GRIK1: variants seen among roughly 807,000 people sequenced by gnomAD.
GRIK1 encodes the protein glutamate ionotropic receptor kainate type subunit 1.
Under a neutral mutation model 105.7 loss-of-function variants are expected in GRIK1, and 69 were observed. The ratio of observed to expected loss-of-function variants is 0.65; its 90% CI spans 0.54 to 0.80. The LOEUF is 0.80. GRIK1 is among the 30% of genes least tolerant of loss of function. The pLI, the probability that GRIK1 is intolerant of heterozygous loss-of-function variation, is 0.00. For missense variants in GRIK1, 1,109 were observed against 1,167.3 expected (o/e 0.95, Z 0.73); for synonymous variants, 438 against 431.3 (o/e 1.02, Z -0.19).
chr21:29,681,934 T>A (rs2063386779), intron 3 of GRIK1, among the ~76,000 whole-genome samples: 1 of 152,216 alleles, frequency 6.6e-6, no homozygotes, highest in South Asian at 2.1e-4. Flanking sequence ...AATTTGTGTT[T>A]TAGAAAAGCA....
intron 6 of GRIK1, 23 bp downstream of exon 6, chr21:29,651,095 G>T: frequency 1.3e-6 from 2 of 1,561,658 alleles, no homozygotes; most frequent in Non-Finnish European, 1.7e-6. Flanking sequence ...TCTTGCAAAT[G>T]ATTTTATTTG....
At chr21:29,867,880 G>GAGAA (rs1555901562) in intron 1 of GRIK1, among the ~76,000 whole-genome samples, 4 of 15,432 alleles carry the variant, frequency 2.6e-4, no homozygotes, top group Non-Finnish European at 5.5e-4. Flanking sequence ...GAGAGAAAGA[G>GAGAA]AGAGAAAGAG....
intron 1 of GRIK1, among the ~76,000 whole-genome samples, chr21:29,841,709 T>A (rs995164407): frequency 5.9e-5 from 9 of 152,168 alleles, no homozygotes; most frequent in African/African-American, 2.2e-4. Context: ...AATCATGTCA[T>A]CATTGTTGCA....
At chr21:29,916,382 T>A (rs974255641) in intron 1 of GRIK1, among the ~76,000 whole-genome samples, 2 of 151,912 alleles carry the variant, frequency 1.3e-5, no homozygotes, top group Non-Finnish European at 2.9e-5. Flanking sequence ...GAATAACCTG[T>A]TTCTGTAAAA....
intron 1 of GRIK1, among the ~76,000 whole-genome samples, chr21:29,831,359 C>T (rs938005660): frequency 3.3e-5 from 5 of 152,122 alleles, no homozygotes; most frequent in Non-Finnish European, 5.9e-5. Context: ...AGAACTTTTG[C>T]ATACGCTATG....
chr21:29,883,153 T>C (rs2069485570), intron 1 of GRIK1, among the ~76,000 whole-genome samples: 1 of 152,116 alleles, frequency 6.6e-6, no homozygotes, highest in African/African-American at 2.4e-5. Context: ...GGAAGGTAAC[T>C]TAACCCATTT....
intron 3 of GRIK1, among the ~76,000 whole-genome samples, chr21:29,684,291 T>TATCA (rs2063441308): frequency 6.7e-6 from 1 of 149,250 alleles, no homozygotes; most frequent in East Asian, 1.9e-4. Flanking sequence ...TCTATCTATC[T>TATCA]ATCTATCATC....
In GRIK1 at chr21:29,537,274, T is replaced by A; in HGVS notation, c.2806A>T (p.Thr936Ser). ...KGKSSFTSIL[T>S]CHQRRTQRKE... ...CTCTGAGTTCGTCTCTGATGACAAGTAAGGATACTTGTGAAGGAAGATTTC... is the reference window on the plus strand; with the variant it reads ...CTCTGAGTTCGTCTCTGATGACAAGAAAGGATACTTGTGAAGGAAGATTTC... Residue 936 changes from threonine (T) to serine (S), a missense_variant, in exon 18 of 18, where the codon ACT becomes TCT. This residue lies in a region of GRIK1 where 161 missense variants were observed against 143.4 expected (regional missense o/e 1.12). Coordinates refer to ENST00000327783, the MANE Select transcript of GRIK1 (RefSeq NM_001330994.2). 3 of 1,612,312 alleles carry A rather than the reference T, an allele frequency of 1.9e-6. No individual in the cohort carries two copies. Among genetic ancestry groups the A allele is most frequent in the African/African-American group, 2.7e-5 (2 of 74,842 alleles).
At chr21:29,804,301 T>C (rs2066795746) in intron 1 of GRIK1, among the ~76,000 whole-genome samples, 1 of 152,130 alleles carries the variant, frequency 6.6e-6, no homozygotes, top group African/African-American at 2.4e-5. Flanking sequence ...TCTAAAGATT[T>C]GCCACTCTCC....
At chr21:29,881,905 T>C (rs2069424242) in intron 1 of GRIK1, among the ~76,000 whole-genome samples, 1 of 152,140 alleles carries the variant, frequency 6.6e-6, no homozygotes, top group Non-Finnish European at 1.5e-5. Flanking sequence ...CACATTTCCA[T>C]TTTCTCCCAA....
intron 12 of GRIK1, among the ~76,000 whole-genome samples, chr21:29,586,095 G>C (rs1170420048): frequency 6.6e-6 from 1 of 152,172 alleles, no homozygotes; most frequent in South Asian, 2.1e-4. Flanking sequence ...CACTGATTTA[G>C]AGTATTAAAA....
chr21:29,553,139 G>C (rs988847040), intron 16 of GRIK1: 2 of 780,574 alleles, frequency 2.6e-6, no homozygotes, highest in Non-Finnish European at 3.1e-6. Flanking sequence ...CAATATATGA[G>C]ACAGGGAGAA....
In GRIK1 at chr21:29,630,395, C is replaced by T. The variant is rs1056495155; in HGVS notation, c.1098+12431G>A. 2.0e-4 allele frequency: 83 copies of T among 406,830 alleles called. 3 individuals are homozygous for T. Among genetic ancestry groups the T allele is most frequent in the South Asian group, 1.2e-3 (63 of 53,210 alleles). 25.2% of individuals were successfully genotyped at this position (406,830 alleles called of 1,614,324 possible). ...ATGGCAAAGGGAAAGGAATGTTTTGCGATGCAATTAGGTATCTGTAATCAA... is the reference window on the plus strand; with the variant it reads ...ATGGCAAAGGGAAAGGAATGTTTTGTGATGCAATTAGGTATCTGTAATCAA... On this transcript the variant is annotated intron_variant, in intron 7 of 17. Coordinates refer to ENST00000327783, the MANE Select transcript of GRIK1 (RefSeq NM_001330994.2).
chr21:29,893,613 C>T (rs112053272), intron 1 of GRIK1, among the ~76,000 whole-genome samples: 2 of 152,288 alleles, frequency 1.3e-5, no homozygotes, highest in East Asian at 1.9e-4. Flanking sequence ...GATAAATGCT[C>T]ACTATATGTA....
intron 1 of GRIK1, among the ~76,000 whole-genome samples, chr21:29,826,218 A>G (rs2067452515): frequency 6.6e-6 from 1 of 151,920 alleles, no homozygotes; most frequent in South Asian, 2.1e-4. Flanking sequence ...CATGGCCTCT[A>G]CTCAAACACC....
At chr21:29,652,127 T>C (rs1354618407) in intron 5 of GRIK1, among the ~76,000 whole-genome samples, 1 of 152,188 alleles carries the variant, frequency 6.6e-6, no homozygotes, top group Non-Finnish European at 1.5e-5. Context: ...TGGGGTATTT[T>C]GAAGAATATT....
intron 1 of GRIK1, among the ~76,000 whole-genome samples, chr21:29,825,139 T>A (rs529083210): frequency 6.6e-6 from 1 of 152,116 alleles, no homozygotes; most frequent in African/African-American, 2.4e-5. Flanking sequence ...AAATGAGGAA[T>A]CATCAAAGAA....
At chr21:29,905,640 T>G (rs894413558) in intron 1 of GRIK1, among the ~76,000 whole-genome samples, 3 of 139,292 alleles carry the variant, frequency 2.2e-5, no homozygotes, top group African/African-American at 8.2e-5. Context: ...TTTTTTTTTT[T>G]TTTTGAGACG....
intron 1 of GRIK1, among the ~76,000 whole-genome samples, chr21:29,821,549 G>C (rs1272020507): frequency 6.6e-6 from 1 of 151,954 alleles, no homozygotes; most frequent in Non-Finnish European, 1.5e-5. Context: ...ATTTACTGAA[G>C]ACAGGAATCC....
Sources: allele counts gnomAD v4.1 joint callset (sites outside exome capture counted in the v4.1 genomes callset), GRCh38; gene constraint gnomAD v4.1.1; regional missense constraint gnomAD v4.1.1; transcripts MANE v1.5; gene names NCBI Gene and HGNC (gene_info 2026-07-23, HGNC 2026-07-21).